PCDHGA3: variants seen among roughly 807,000 people sequenced by gnomAD.
PCDHGA3 encodes protocadherin gamma subfamily A, 3.
A neutral mutation model predicts 58.5 loss-of-function variants in PCDHGA3; 40 were observed. The observed-to-expected ratio is 0.68, with a 90% CI of 0.53 to 0.89. The LOEUF (loss-of-function observed/expected upper bound fraction) is 0.89. Among genes scored for constraint, PCDHGA3 ranks in the 40% least tolerant of loss-of-function variants. The pLI is 0.00. For synonymous variants in PCDHGA3, 530 were observed against 525.7 expected, an observed-to-expected ratio of 1.01 and a Z score of -0.11; for missense variants, 1,223 against 1,195.9, an observed-to-expected ratio of 1.02 and a Z score of -0.33.
chr5:141,499,191 C>A (rs920773306), intron 2 of PCDHGA3, among the ~76,000 whole-genome samples: 1 of 152,116 alleles, frequency 6.6e-6, no homozygotes, highest in Non-Finnish European at 1.5e-5. Context: ...ACCATTTCCC[C>A]CTTCTTAGGC....
intron 1 of PCDHGA3, among the ~76,000 whole-genome samples, chr5:141,462,483 G>T (rs1402125086): frequency 2.0e-5 from 3 of 151,986 alleles, no homozygotes; most frequent in African/African-American, 7.3e-5. Context: ...TCTCGTGGTT[G>T]TTGTATCCTA....
intron 2 of PCDHGA3, among the ~76,000 whole-genome samples, chr5:141,501,331 ACACC>A (rs747366952): frequency 1.4e-5 from 2 of 138,844 alleles, no homozygotes; most frequent in Non-Finnish European, 3.2e-5. Context: ...ACACACACAC[ACACC>A]CCAAACTCAA....
chr5:141,380,586 A>G (rs1776590608), intron 1 of PCDHGA3, among the ~76,000 whole-genome samples: 1 of 152,226 alleles, frequency 6.6e-6, no homozygotes, highest in Non-Finnish European at 1.5e-5. Context: ...GCGGTCTAGT[A>G]AAGATCTTTA....
At position 141,345,578 on chromosome 5, in the gene PCDHGA3, C is replaced by G. The variant is rs757613840; in HGVS notation, c.1545C>G (p.Tyr515Ter). 6 of 1,614,090 alleles carry G rather than the reference C, an allele frequency of 3.7e-6. No homozygotes were observed. The African/African-American group carries it at 8.0e-5, about 22-fold the overall frequency. ...TCAACTCCAACACTGGCGTCCTATA[C>G]GCGCTGAGATCCTTCGACTACGAGC... is the stretch of plus-strand genomic sequence containing the variant. ...VSINSNTGVL[Y>*]ALRSFDYEQF... The change falls in exon 1 of 4, where the codon TAC becomes TAG. Residue 515 changes from tyrosine (Y) to a stop codon, truncating the protein, a stop_gained. Transcript: ENST00000253812. LOFTEE classifies it high-confidence loss of function.
At chr5:141,507,865 T>C (rs2099864402) in intron 3 of PCDHGA3, among the ~76,000 whole-genome samples, 1 of 152,128 alleles carries the variant, frequency 6.6e-6, no homozygotes. Context: ...CACACCCGCT[T>C]CCTAGCCCTG....
intron 1 of PCDHGA3, among the ~76,000 whole-genome samples, chr5:141,402,432 TA>T (rs1325787840): frequency 6.6e-6 from 1 of 152,042 alleles, no homozygotes; most frequent in Non-Finnish European, 1.5e-5. Flanking sequence ...TGAAGCATCA[TA>T]AAAAGGAAAT....
At chr5:141,383,871 T>C (rs1490693086) in intron 1 of PCDHGA3, 1 of 1,613,852 alleles carries the variant, frequency 6.2e-7, no homozygotes, top group African/African-American at 1.3e-5. Flanking sequence ...CTCAAGATGG[T>C]CCTGGTAGTC....
In PCDHGA3 at chr5:141,414,483, A is replaced by G. The variant is rs756254490; in HGVS notation, c.2424+68026A>G. 20 of 1,613,826 alleles carry G rather than the reference A, an allele frequency of 1.2e-5. No homozygotes were observed. In the Admixed American group the frequency reaches 1.8e-4, roughly 15 times the overall value. ...CCACAGATGGGGGAAGTCCTCCTCT[A>G]TCAACGGAAGCTCACTTTATGCTAC... On this transcript the variant is annotated intron_variant, in intron 1 of 3. Transcript: ENST00000253812.
chr5:141,477,482 C>G lies in PCDHGA3; in HGVS notation c.2425-17325C>G, dbSNP rs1168724444. On this transcript the variant is annotated intron_variant, in intron 1 of 3. Transcript: ENST00000253812. This position sits in a 1 kb window ranked among gnomAD's most constrained non-coding sequence, Gnocchi z 4.9. ...GTCCGACATCAATGACAACCCTCCA[C>G]AATCTTCTCAATCTTCCTACGACGT... 1 of 1,614,118 alleles carries G rather than the reference C, an allele frequency of 6.2e-7. No individual in the cohort carries two copies. The highest frequency in any genetic ancestry group is 1.1e-5 in the South Asian group (1 of 91,074).
chr5:141,438,617 TATATATATATATATATATACAC>T (rs1342425883), intron 1 of PCDHGA3, among the ~76,000 whole-genome samples: 18 of 37,162 alleles, frequency 4.8e-4, no homozygotes, highest in Admixed American at 2.0e-3. Flanking sequence ...TATATATATA[TATATATATATATATATATACAC>T]ACACACACAC....
chr5:141,361,021 G>GA (rs758957504), intron 1 of PCDHGA3: 19 of 1,612,934 alleles, frequency 1.2e-5, no homozygotes, highest in Admixed American at 6.7e-5. Flanking sequence ...CAACTTAAAT[G>GA]AAAAAACAGG....
At chr5:141,395,431 C>T (rs929194882) in intron 1 of PCDHGA3, 19 of 702,102 alleles carry the variant, frequency 2.7e-5, no homozygotes, top group Non-Finnish European at 4.0e-5. Context: ...TGCTTTTAAA[C>T]GACTTGGAAA....
intron 1 of PCDHGA3, chr5:141,419,629 G>T: frequency 6.2e-7 from 1 of 1,612,444 alleles, no homozygotes; most frequent in Non-Finnish European, 8.5e-7. Context: ...TGGTGACCAA[G>T]GTGGTGGCCG....
intron 1 of PCDHGA3, chr5:141,374,236 T>G: frequency 6.2e-7 from 1 of 1,613,974 alleles, no homozygotes; most frequent in African/African-American, 1.3e-5. Flanking sequence ...TCGTCAAGGA[T>G]CTGGGACTGG....
chr5:141,468,939 G>A (rs2099186103), intron 1 of PCDHGA3, among the ~76,000 whole-genome samples: 1 of 144,350 alleles, frequency 6.9e-6, no homozygotes, highest in Non-Finnish European at 1.5e-5. Context: ...ATGGGAGATG[G>A]GGTAAACCTG....
intron 1 of PCDHGA3, chr5:141,421,777 CG>C (rs760013586): frequency 1.2e-6 from 2 of 1,613,804 alleles, no homozygotes; most frequent in Admixed American, 3.3e-5. Flanking sequence ...CTTGCAACTG[CG>C]GGGCAGAACG....
intron 1 of PCDHGA3, chr5:141,478,712 G>A (rs1160573848): frequency 3.2e-6 from 5 of 1,547,048 alleles, no homozygotes; most frequent in Non-Finnish European, 4.4e-6. Flanking sequence ...TTTGTGAGAT[G>A]GTGGCCTGCC....
intron 1 of PCDHGA3, 150 bp downstream of exon 1, chr5:141,346,607 T>C (rs1757776639): frequency 8.4e-7 from 1 of 1,185,344 alleles, no homozygotes; most frequent in South Asian, 1.6e-5. Flanking sequence ...TCTGGGCCTA[T>C]AGTAGGACTG....
At chr5:141,380,666 A>G (rs1338427097) in intron 1 of PCDHGA3, among the ~76,000 whole-genome samples, 1 of 152,250 alleles carries the variant, frequency 6.6e-6, no homozygotes, top group African/African-American at 2.4e-5. Flanking sequence ...CATTTACTCC[A>G]TAGGGTATGT....
Sources: gnomAD v4.1 joint callset for allele counts (sites outside exome capture counted in the v4.1 genomes callset) on GRCh38, gnomAD v4.1.1 for gene constraint, Gnocchi (gnomAD v3.1) non-coding constraint, MANE v1.5 for transcripts, NCBI Gene and HGNC (gene_info 2026-07-23, HGNC 2026-07-21) for gene names.